The following ACTR3C variants were observed in gnomAD, a reference collection of about 807,000 sequenced individuals.
ACTR3C encodes actin-related protein 3C.
A neutral mutation model predicts 26.3 loss-of-function variants in ACTR3C; 18 were observed. That is an observed-to-expected ratio of 0.68 (90% CI 0.47 to 1.01). ACTR3C has a LOEUF of 1.01. ACTR3C is among the 50% of genes least tolerant of loss of function. ACTR3C has a pLI of 0.00. For synonymous variants in ACTR3C, 55 were observed against 94.5 expected (o/e 0.58, Z 2.42); for missense variants, 184 against 250.7 (o/e 0.73, Z 1.80).
the ACTR3C span, among the ~76,000 whole-genome samples, chr7:150,101,193 C>T: frequency 1.3e-5 from 2 of 151,580 alleles, no homozygotes; most frequent in African/African-American, 4.9e-5. Context: ...ACGCCAAATG[C>T]ATTCAGAAAA....
chr7:149,937,182 T>C, the ACTR3C span, among the ~76,000 whole-genome samples: 1 of 38,136 alleles, frequency 2.6e-5, no homozygotes. Context: ...AAGGACCCTG[T>C]ATTTGTAGCG....
the ACTR3C span, among the ~76,000 whole-genome samples, chr7:149,928,002 T>C: frequency 2.6e-5 from 4 of 152,142 alleles, no homozygotes; most frequent in South Asian, 8.3e-4. Flanking sequence ...GGCAATAGGC[T>C]CTATTGGTGA....
the ACTR3C span, among the ~76,000 whole-genome samples, chr7:150,023,345 ATTT>A: frequency 2.9e-4 from 31 of 107,358 alleles, no homozygotes; most frequent in South Asian, 7.8e-4. Flanking sequence ...ATACATATAT[ATTT>A]TAGAGACAGA....
chr7:150,062,183 A>G, the ACTR3C span: 1 of 8,824 alleles, frequency 1.1e-4, no homozygotes, highest in Non-Finnish European at 2.7e-4. Flanking sequence ...ACTGGTGGCT[A>G]CTGAGATACC....
chr7:150,013,879 C>T, the ACTR3C span, among the ~76,000 whole-genome samples: 1 of 152,214 alleles, frequency 6.6e-6, no homozygotes, highest in Admixed American at 6.5e-5. Context: ...GATGGCAACG[C>T]TATTCTCCTT....
At chr7:150,311,681 A>G (rs941787602) in intron 1 of ACTR3C, among the ~76,000 whole-genome samples, 1 of 152,130 alleles carries the variant, frequency 6.6e-6, no homozygotes, top group African/African-American at 2.4e-5. Context: ...TTCCAATCCC[A>G]AACCCAGACC....
the ACTR3C span, among the ~76,000 whole-genome samples, chr7:150,058,227 G>T: frequency 6.6e-6 from 1 of 152,182 alleles, no homozygotes; most frequent in African/African-American, 2.4e-5. Flanking sequence ...TCCAATTAGT[G>T]CTTTGGATAA....
chr7:149,910,651 T>TA, the ACTR3C span, among the ~76,000 whole-genome samples: 1 of 152,174 alleles, frequency 6.6e-6, no homozygotes, highest in South Asian at 2.1e-4. Flanking sequence ...TCAACACTGC[T>TA]AACACTAGCA....
the ACTR3C span, among the ~76,000 whole-genome samples, chr7:149,936,557 G>C: frequency 1.3e-5 from 2 of 152,186 alleles, no homozygotes; most frequent in Non-Finnish European, 2.9e-5. Flanking sequence ...TGACTTTTCA[G>C]CACAATAAAA....
At chr7:149,979,683 A>C in the ACTR3C span, among the ~76,000 whole-genome samples, 91 of 151,896 alleles carry the variant, frequency 6.0e-4, no homozygotes, top group Non-Finnish European at 1.1e-3. Context: ...TAAATGATAC[A>C]ATAACAGAGT....
the ACTR3C span, among the ~76,000 whole-genome samples, chr7:150,193,954 A>T: frequency 1.4e-3 from 203 of 146,954 alleles, no homozygotes; most frequent in African/African-American, 4.4e-3. Context: ...GCTTTAAAAA[A>T]ATATATATAT....
the ACTR3C span, among the ~76,000 whole-genome samples, chr7:150,079,475 G>A: frequency 1.3e-5 from 2 of 152,186 alleles, no homozygotes; most frequent in Non-Finnish European, 2.9e-5. Context: ...TACTCTGAGT[G>A]GTAAGGTGCT....
the ACTR3C span, among the ~76,000 whole-genome samples, chr7:150,070,951 T>G: frequency 8.4e-6 from 1 of 118,534 alleles, no homozygotes; most frequent in South Asian, 2.9e-4. Context: ...CCCGCCACCA[T>G]GCCCAACTAA....
the ACTR3C span, chr7:150,000,863 G>T: frequency 7.2e-6 from 1 of 137,972 alleles, no homozygotes; most frequent in Non-Finnish European, 1.6e-5. Flanking sequence ...AGCTCCCAGA[G>T]TGAAAGGGAT....
chr7:149,990,209 T>C, the ACTR3C span, among the ~76,000 whole-genome samples: 1 of 152,088 alleles, frequency 6.6e-6, no homozygotes, highest in South Asian at 2.1e-4. Context: ...TGCTGCCTTC[T>C]CAGGAGAGAC....
chr7:149,942,607 C>T, the ACTR3C span, among the ~76,000 whole-genome samples: 1 of 149,890 alleles, frequency 6.7e-6, no homozygotes, highest in African/African-American at 2.5e-5. Flanking sequence ...AGGTTAGCAC[C>T]CATCAGTAAC....
the ACTR3C span, among the ~76,000 whole-genome samples, chr7:150,083,168 G>A: frequency 6.6e-6 from 1 of 151,096 alleles, no homozygotes; most frequent in East Asian, 2.0e-4. Flanking sequence ...GTCCAGGCTG[G>A]TCTCAAACTC....
At chr7:150,316,518 T>C (rs1796919956) in intron 1 of ACTR3C, among the ~76,000 whole-genome samples, 2 of 139,170 alleles carry the variant, frequency 1.4e-5, no homozygotes, top group Non-Finnish European at 3.1e-5. Flanking sequence ...AGGCGGAGTC[T>C]CACTGTTGCC....
At chr7:150,193,981 TAC>T in the ACTR3C span, among the ~76,000 whole-genome samples, 1,078 of 135,398 alleles carry the variant, frequency 8.0e-3, 9 homozygotes, top group African/African-American at 0.03. Flanking sequence ...AAAATACACA[TAC>T]ACACACAGAC....
Sources: allele counts gnomAD v4.1 joint callset (sites outside exome capture counted in the v4.1 genomes callset), GRCh38; gene constraint gnomAD v4.1.1; transcripts MANE v1.5; gene names NCBI Gene and HGNC (gene_info 2026-07-23, HGNC 2026-07-21).